LRRC1: variants seen among roughly 807,000 people sequenced by gnomAD.
LRRC1 encodes the protein leucine rich repeat containing 1.
A neutral mutation model predicts 69.9 loss-of-function variants in LRRC1; 28 were observed. That is an observed-to-expected ratio of 0.40 (90% CI 0.30 to 0.55). The LOEUF is 0.55. Among genes scored for constraint, LRRC1 ranks in the 20% least tolerant of loss-of-function variants. The pLI, the probability that LRRC1 is intolerant of heterozygous loss-of-function variation, is 0.47. For synonymous variants in LRRC1, 236 were observed against 240.2 expected (o/e 0.98, Z 0.16); for missense variants, 498 against 609.0 (o/e 0.82, Z 1.92).
intron 12 of LRRC1, among the ~76,000 whole-genome samples, chr6:53,920,101 A>C (rs934187187): frequency 2.6e-5 from 4 of 152,232 alleles, no homozygotes; most frequent in African/African-American, 9.6e-5. Flanking sequence ...AGTAACAGCA[A>C]AATGCTATTA....
At chr6:53,834,060 C>T (rs932707134) in intron 1 of LRRC1, among the ~76,000 whole-genome samples, 1 of 152,204 alleles carries the variant, frequency 6.6e-6, no homozygotes, top group Non-Finnish European at 1.5e-5. Context: ...CCCCTATTGC[C>T]TTCAGAAACT....
rs1765014532 is a variant in LRRC1, at chr6:53,818,413, A to G, written c.159+22998A>G. 2.6e-5 allele frequency among the ~76,000 whole-genome samples: 4 copies of G among 152,228 alleles called. No homozygotes were observed. In the South Asian group the frequency reaches 8.3e-4, roughly 31 times the overall value. ...TTGTGGTGGCAAAAAAGAAAGGAAA[A>G]AGAAAAAGGAAATACAGTGAATGCC... On this transcript the variant is annotated intron_variant, in intron 1 of 13. Transcript: ENST00000370888.
intron 2 of LRRC1, among the ~76,000 whole-genome samples, chr6:53,855,853 C>CTCCT (rs1177600663): frequency 6.6e-6 from 1 of 152,176 alleles, no homozygotes; most frequent in African/African-American, 2.4e-5. Context: ...TCTGCTCTTC[C>CTCCT]TCCTCATCAG....
At chr6:53,907,735 A>AT (rs113795810) in intron 10 of LRRC1, among the ~76,000 whole-genome samples, 1,748 of 119,706 alleles carry the variant, frequency 0.015, 17 homozygotes, top group African/African-American at 0.037. Flanking sequence ...TTCTAAATTC[A>AT]TTTTTTTTTT....
chr6:53,824,441 T>C (rs1765202498), intron 1 of LRRC1, among the ~76,000 whole-genome samples: 1 of 152,228 alleles, frequency 6.6e-6, no homozygotes, highest in South Asian at 2.1e-4. Flanking sequence ...GCAGGTTCTC[T>C]GTTTACTGTG....
chr6:53,870,776 T>A (rs185541940), intron 2 of LRRC1, among the ~76,000 whole-genome samples: 1 of 152,288 alleles, frequency 6.6e-6, no homozygotes, highest in East Asian at 1.9e-4. Context: ...TGTCAACTTT[T>A]TTCCCATCCC....
chr6:53,851,425 A>G (rs1193122429), intron 2 of LRRC1, among the ~76,000 whole-genome samples: 4 of 152,068 alleles, frequency 2.6e-5, no homozygotes, highest in African/African-American at 9.7e-5. Context: ...GCAGGAGAAG[A>G]TGATGTTCTA....
chr6:53,816,530 C>G (rs559910889), intron 1 of LRRC1, among the ~76,000 whole-genome samples: 1 of 152,068 alleles, frequency 6.6e-6, no homozygotes, highest in South Asian at 2.1e-4. Flanking sequence ...CTATAGAAAT[C>G]AGTAAAAAGC....
chr6:53,904,144 A>G (rs1418896972), intron 9 of LRRC1, among the ~76,000 whole-genome samples: 1 of 152,262 alleles, frequency 6.6e-6, no homozygotes, highest in African/African-American at 2.4e-5. Flanking sequence ...CCCTGTTCCC[A>G]GGTCTCTACT....
rs1768002776 is a variant in LRRC1 at position 53,900,030 on chromosome 6, T to TTTTTTG, written c.787+144_787+145insGTTTTT. On this transcript the variant is annotated intron_variant, in intron 8 of 13. Transcript: ENST00000370888. ...TAAAGTCTCCTTACTGTTTTTTTTTTTTTTTTTTTTTTTTTTTTTTTTTCT... is the reference window on the plus strand; with the variant it reads ...TAAAGTCTCCTTACTGTTTTTTTTTTTTTTTGTTTTTTTTTTTTTTTTTTTTTTTCT... 2.2e-5 allele frequency: 6 copies of TTTTTTG among 272,552 alleles called. No homozygotes were observed. In the African/African-American group the frequency reaches 3.1e-4, roughly 14 times the overall value. The allele number at this position is 272,552 out of a possible 1,614,324, so 16.9% of individuals were successfully genotyped here. A position where few individuals can be genotyped will look rare whatever the true frequency, so the allele number is the denominator to read the frequency against.
At chr6:53,809,437 G>T (rs9382240) in intron 1 of LRRC1, among the ~76,000 whole-genome samples, 1 of 151,950 alleles carries the variant, frequency 6.6e-6, no homozygotes, top group African/African-American at 2.4e-5. Flanking sequence ...GCCCCACACC[G>T]CTGGTAACTA....
chr6:53,842,252 C>A, intron 2 of LRRC1, 25 bp downstream of exon 2: 18 of 1,515,930 alleles, frequency 1.2e-5, no homozygotes, highest in Non-Finnish European at 1.6e-5. Context: ...ACTTGGGTTG[C>A]CTATTTGTCT....
At chr6:53,896,765 G>T in intron 5 of LRRC1, 64 bp from the exon 6 acceptor site, 1 of 1,064,606 alleles carries the variant, frequency 9.4e-7, no homozygotes, top group South Asian at 1.3e-5. Flanking sequence ...CCAAGTGAGG[G>T]ATACTATATT....
At chr6:53,893,721 T>A (rs920011742) in intron 4 of LRRC1, among the ~76,000 whole-genome samples, 2 of 152,170 alleles carry the variant, frequency 1.3e-5, no homozygotes, top group South Asian at 2.1e-4. Context: ...TTTGAAATAT[T>A]ATAAAAATAT....
At chr6:53,892,982 C>T (rs575158215) in intron 4 of LRRC1, among the ~76,000 whole-genome samples, 24 of 152,310 alleles carry the variant, frequency 1.6e-4, no homozygotes, top group Admixed American at 1.5e-3. Context: ...AGTCCAGTTA[C>T]AGACAATGTT....
At chr6:53,805,906 GGCAT>G in intron 1 of LRRC1, among the ~76,000 whole-genome samples, 1 of 152,336 alleles carries the variant, frequency 6.6e-6, no homozygotes. Flanking sequence ...ACAGTCTGGC[GGCAT>G]GCCATGCTCC....
chr6:53,854,525 A>G (rs1766248428), intron 2 of LRRC1, among the ~76,000 whole-genome samples: 1 of 152,154 alleles, frequency 6.6e-6, no homozygotes, highest in Non-Finnish European at 1.5e-5. Context: ...ATATTATCTC[A>G]TTTAATCTTC....
At chr6:53,904,930 C>A (rs919343850) in intron 10 of LRRC1, 2 of 153,652 alleles carry the variant, frequency 1.3e-5, no homozygotes, top group African/African-American at 4.8e-5. Context: ...TGAGGTTGAA[C>A]AAACTGTTCA....
intron 10 of LRRC1, among the ~76,000 whole-genome samples, chr6:53,912,507 C>T (rs1768444133): frequency 6.6e-6 from 1 of 152,112 alleles, no homozygotes; most frequent in Non-Finnish European, 1.5e-5. Flanking sequence ...TTCTACATAT[C>T]TGGGTGCTTT....
Sources: allele counts gnomAD v4.1 joint callset (sites outside exome capture counted in the v4.1 genomes callset), GRCh38; gene constraint gnomAD v4.1.1; transcripts MANE v1.5; gene names NCBI Gene and HGNC (gene_info 2026-07-23, HGNC 2026-07-21).